The following SLC37A3 variants were observed in gnomAD, a reference collection of about 807,000 sequenced individuals.
SLC37A3 encodes the protein solute carrier family 37 member 3, also known as sugar phosphate exchanger 3.
A neutral mutation model predicts 67.1 loss-of-function variants in SLC37A3; 51 were observed. The observed-to-expected ratio is 0.76, with a 90% CI of 0.61 to 0.96. The LOEUF is 0.96. SLC37A3 is among the 40% of genes least tolerant of loss of function. The pLI is 0.00. For missense variants in SLC37A3, 508 were observed against 603.0 expected (o/e 0.84, Z 1.65); for synonymous variants, 214 against 231.4 (o/e 0.92, Z 0.68).
At position 140,358,762 on chromosome 7, in the gene SLC37A3, T is replaced by C; in HGVS notation, c.399A>G (p.Thr133=). Residue 133 remains threonine, a synonymous_variant, in exon 6 of 15, where the codon ACA becomes ACG. Transcript: ENST00000326232. ...ATTTGTTGTAGAAACGCAGCCATTC[T>C]GTGAGCGCACCAAAGACAAACACCT... ...ALVVFVFGAL[T]EWLRFYNKWL... The C allele has an allele frequency of 6.2e-7, 1 of 1,614,158 alleles. No homozygotes were observed. The highest frequency in any genetic ancestry group is 8.5e-7 in the Non-Finnish European group (1 of 1,180,022).
chr7:140,345,923 G>GCGCT lies in SLC37A3; in HGVS notation c.1068_1071dup (p.Pro358SerfsTer19), dbSNP rs1563010727. 1 of 1,614,028 alleles carries GCGCT rather than the reference G, an allele frequency of 6.2e-7. No homozygotes were observed. The highest frequency in any genetic ancestry group is 1.1e-5 in the South Asian group (1 of 91,080). The stretch of plus-strand genomic sequence containing the variant: ...AGAAGCAGACTCAGGGCAAGAACCG[G>GCGCT]CGCTCTCTTCTGTAGTACATCAGAG... On this transcript the variant is annotated frameshift_variant, in exon 11 of 15. Coordinates refer to ENST00000326232, the MANE Select transcript of SLC37A3 (RefSeq NM_207113.3). LOFTEE classifies it high-confidence loss of function.
rs758490841 is a variant in SLC37A3, at chr7:140,348,625, C to T, written c.1024+1G>A. 1 of 1,610,744 alleles carries T rather than the reference C, an allele frequency of 6.2e-7. No individual in the cohort carries two copies. Among genetic ancestry groups the T allele is most frequent in the South Asian group, 1.1e-5 (1 of 90,738 alleles). On this transcript the variant is annotated splice_donor_variant, in intron 10 of 14. Coordinates refer to ENST00000326232, the MANE Select transcript of SLC37A3 (RefSeq NM_207113.3). LOFTEE classifies it high-confidence loss of function. ...ATGGAAAAGATGTATCACCGGCATA[C>T]CTATGATCCCTCCAACGTCGTACCA...
At chr7:140,346,936 CA>C (rs1286394685) in intron 10 of SLC37A3, among the ~76,000 whole-genome samples, 3 of 151,786 alleles carry the variant, frequency 2.0e-5, no homozygotes, top group Non-Finnish European at 2.9e-5. Flanking sequence ...GACCGTGTCT[CA>C]AAAACCAAAA....
chr7:140,354,719 G>A (rs1038560379), intron 7 of SLC37A3, among the ~76,000 whole-genome samples: 4 of 150,094 alleles, frequency 2.7e-5, no homozygotes, highest in Non-Finnish European at 5.9e-5. Context: ...TATTAGGGGG[G>A]ATTAGTCTTT....
intron 5 of SLC37A3, among the ~76,000 whole-genome samples, chr7:140,361,496 T>G (rs1466547167): frequency 2.6e-5 from 1 of 38,896 alleles, no homozygotes; most frequent in Non-Finnish European, 4.8e-5. Flanking sequence ...AGCCTCTCCC[T>G]CCCCCTCCCC....
At chr7:140,336,130 T>C (rs1796121924) in intron 14 of SLC37A3, among the ~76,000 whole-genome samples, 1 of 152,252 alleles carries the variant, frequency 6.6e-6, no homozygotes, top group Non-Finnish European at 1.5e-5. Flanking sequence ...TCTTGAGCAC[T>C]GTCCCACAAT....
intron 2 of SLC37A3, 70 bp from the exon 3 acceptor site, chr7:140,380,460 A>G (rs181201796): frequency 1.8e-6 from 2 of 1,089,500 alleles, no homozygotes; most frequent in African/African-American, 1.6e-5. Flanking sequence ...TCACAGGTAT[A>G]GGCCCATTTC....
chr7:140,350,168 A>G (rs1468543767), intron 9 of SLC37A3, among the ~76,000 whole-genome samples: 1 of 152,168 alleles, frequency 6.6e-6, no homozygotes, highest in East Asian at 1.9e-4. Context: ...ACAACAGCCC[A>G]ATGTTACAGG....
intron 3 of SLC37A3, chr7:140,380,017 C>T (rs997507013): frequency 4.2e-5 from 10 of 238,792 alleles, no homozygotes; most frequent in Middle Eastern, 2.7e-3. Context: ...CAGAAACGAG[C>T]ACAGCACTAA....
intron 5 of SLC37A3, among the ~76,000 whole-genome samples, chr7:140,362,312 G>A (rs1412008745): frequency 6.8e-4 from 95 of 139,778 alleles, no homozygotes; most frequent in Admixed American, 3.5e-3. Context: ...CCCTCTGCCT[G>A]GCAACCGCCC....
At chr7:140,336,692 T>C (rs994011998) in intron 14 of SLC37A3, among the ~76,000 whole-genome samples, 3 of 152,154 alleles carry the variant, frequency 2.0e-5, no homozygotes, top group Non-Finnish European at 4.4e-5. Flanking sequence ...GTATACTGAT[T>C]AGGGGCTGGT....
At chr7:140,368,230 A>G (rs1441035753) in intron 4 of SLC37A3, among the ~76,000 whole-genome samples, 1 of 152,080 alleles carries the variant, frequency 6.6e-6, no homozygotes, top group Non-Finnish European at 1.5e-5. Flanking sequence ...TGTTCTCTTG[A>G]TCAATTCACG....
intron 1 of SLC37A3, among the ~76,000 whole-genome samples, chr7:140,391,307 C>G (rs891588049): frequency 2.6e-5 from 4 of 152,212 alleles, no homozygotes; most frequent in Non-Finnish European, 5.9e-5. Flanking sequence ...GTAATCCCAG[C>G]ACTTTGGGAG....
At chr7:140,387,442 C>T (rs1338475506) in intron 1 of SLC37A3, among the ~76,000 whole-genome samples, 1 of 150,930 alleles carries the variant, frequency 6.6e-6, no homozygotes, top group Non-Finnish European at 1.5e-5. Flanking sequence ...GGCGAAACCC[C>T]ATCTCTACTA....
chr7:140,344,512 T>C (rs1007763224), intron 12 of SLC37A3, among the ~76,000 whole-genome samples: 1 of 152,062 alleles, frequency 6.6e-6, no homozygotes, highest in African/African-American at 2.4e-5. Context: ...TCCCAGCATT[T>C]TGGGAGGCCA....
intron 13 of SLC37A3, among the ~76,000 whole-genome samples, chr7:140,338,414 T>C (rs577023951): frequency 3.3e-5 from 5 of 152,348 alleles, no homozygotes; most frequent in African/African-American, 1.2e-4. Flanking sequence ...GTATTTGTCC[T>C]TTTATGTCTG....
chr7:140,380,479 AATTTT>A (rs779130643), intron 2 of SLC37A3, 89 bp from the exon 3 acceptor site: 50 of 915,454 alleles, frequency 5.5e-5, no homozygotes, highest in Middle Eastern at 2.4e-4. Flanking sequence ...TCTTTTATTC[AATTTT>A]ATTTTATTTT....
intron 13 of SLC37A3, among the ~76,000 whole-genome samples, chr7:140,342,520 C>A (rs922782172): frequency 6.6e-6 from 1 of 152,160 alleles, no homozygotes; most frequent in Non-Finnish European, 1.5e-5. Flanking sequence ...TCATTCACTT[C>A]CACAGGTTCA....
chr7:140,351,361 G>A lies in SLC37A3; in HGVS notation c.794C>T (p.Pro265Leu), dbSNP rs200629249. 9.9e-6 allele frequency: 16 copies of A among 1,613,940 alleles called. 1 individual carries two copies. The highest frequency in any genetic ancestry group is 1.6e-4 in the Middle Eastern group (1 of 6,084). Residue 265 changes from proline (P) to leucine (L), a missense_variant, in exon 9 of 15, where the codon CCG becomes CTG. Transcript: ENST00000326232. ...ACTATCATCTTGGATTGAATAATTC[G>A]GCTCATATTCGTCTTCATTTTCACC... ...NGGENEDEYEPNYSIQDDSSV... is the reference protein window; with the variant it reads ...NGGENEDEYELNYSIQDDSSV...
Sources: allele counts gnomAD v4.1 joint callset (sites outside exome capture counted in the v4.1 genomes callset), GRCh38; gene constraint gnomAD v4.1.1; transcripts MANE v1.5; gene names NCBI Gene and HGNC (gene_info 2026-07-23, HGNC 2026-07-21).